Variants in SOX5 observed in about 807,000 individuals in gnomAD.
SOX5 encodes transcription factor SOX-5.
In SOX5, 9 loss-of-function variants were observed where a neutral mutation model predicts 92.0. That is an observed-to-expected ratio of 0.10 (90% CI 0.06 to 0.17). The LOEUF (loss-of-function observed/expected upper bound fraction) is 0.17, where lower values mean the gene tolerates loss of function less well. Among genes scored for constraint, SOX5 ranks in the 10% least tolerant of loss-of-function variants. SOX5 has a pLI of 1.00. For synonymous variants in SOX5, 344 were observed against 336.3 expected (o/e 1.02, Z -0.25); for missense variants, 642 against 944.5 (o/e 0.68, Z 4.20).
intron 2 of SOX5, among the ~76,000 whole-genome samples, chr12:23,878,879 ACT>A (rs1437631916): frequency 6.6e-6 from 1 of 151,902 alleles, no homozygotes; most frequent in Non-Finnish European, 1.5e-5. Context: ...CTAGGATAAG[ACT>A]CTCTATCATT....
intron 4 of SOX5, among the ~76,000 whole-genome samples, chr12:24,065,219 C>T (rs1339146810): frequency 6.6e-6 from 1 of 152,108 alleles, no homozygotes; most frequent in Non-Finnish European, 1.5e-5. Context: ...ATCCCTTGTC[C>T]TCCAGTTCTT....
chr12:23,966,271 T>A (rs1004048996), intron 4 of SOX5, among the ~76,000 whole-genome samples: 1 of 139,968 alleles, frequency 7.1e-6, no homozygotes, highest in Middle Eastern at 3.7e-3. Flanking sequence ...TGTACTGACT[T>A]TTTCTCCTAC....
chr12:24,303,514 TA>T (rs1181905189), intron 2 of SOX5, among the ~76,000 whole-genome samples: 1 of 152,248 alleles, frequency 6.6e-6, no homozygotes, highest in African/African-American at 2.4e-5. Flanking sequence ...TAGGTATTTT[TA>T]AGTTTAGATT....
intron 8 of SOX5, among the ~76,000 whole-genome samples, chr12:23,626,460 C>A (rs1257328182): frequency 6.6e-6 from 1 of 152,070 alleles, no homozygotes; most frequent in Non-Finnish European, 1.5e-5. Flanking sequence ...AACTTTCCTG[C>A]TTAATTGGAT....
chr12:23,770,231 C>T (rs1297708683), intron 3 of SOX5, among the ~76,000 whole-genome samples: 1 of 151,962 alleles, frequency 6.6e-6, no homozygotes, highest in South Asian at 2.1e-4. Flanking sequence ...CTTTCTAGCC[C>T]CCAAATTGTT....
intron 8 of SOX5, among the ~76,000 whole-genome samples, chr12:23,615,484 T>C (rs1291895925): frequency 1.3e-5 from 2 of 152,174 alleles, no homozygotes; most frequent in Admixed American, 6.6e-5. Context: ...TTTTTTTCTG[T>C]TCTTCTCCCT....
At chr12:23,829,534 T>C (rs544080392) in intron 3 of SOX5, among the ~76,000 whole-genome samples, 1 of 152,282 alleles carries the variant, frequency 6.6e-6, no homozygotes, top group South Asian at 2.1e-4. Context: ...CTCATGTTTA[T>C]TTGCAAATGT....
chr12:23,828,753 C>CA (rs149215692), intron 3 of SOX5, among the ~76,000 whole-genome samples: 30,401 of 132,996 alleles, frequency 0.23, 3,484 homozygotes, highest in East Asian at 0.56. Context: ...TTCAGGACAT[C>CA]AAAAAAAAAA....
chr12:24,088,369 A>G (rs963439821), intron 4 of SOX5, among the ~76,000 whole-genome samples: 8 of 152,072 alleles, frequency 5.3e-5, no homozygotes, highest in African/African-American at 1.9e-4. Flanking sequence ...TTTCATTTTA[A>G]TAAGAACAGT....
At chr12:23,966,945 T>G (rs182699988) in intron 4 of SOX5, among the ~76,000 whole-genome samples, 2 of 152,274 alleles carry the variant, frequency 1.3e-5, no homozygotes, top group Admixed American at 1.3e-4. Flanking sequence ...TTCATACCAG[T>G]GATTATATTT....
At position 23,795,489 on chromosome 12, in the gene SOX5, A is replaced by G. The variant is rs377453929; in HGVS notation, c.482-39765T>C. 4.7e-4 allele frequency among the ~76,000 whole-genome samples: 72 copies of G among 152,210 alleles called. No individual in the cohort carries two copies. The South Asian group carries it at 0.014, about 29-fold the overall frequency. ...ATTTCCTTTTAACAGAGTTGACAGA[A>G]GCTCCTTTAAGTCTTGCCTTGTGGC... On this transcript the variant is annotated intron_variant, in intron 3 of 14. Transcript: ENST00000451604.
intron 4 of SOX5, among the ~76,000 whole-genome samples, chr12:24,167,735 A>T (rs889947445): frequency 1.3e-5 from 2 of 152,238 alleles, no homozygotes; most frequent in African/African-American, 4.8e-5. Flanking sequence ...TAGTCCAGCT[A>T]TTGAGCTCTT....
rs367794263 is a variant in SOX5, at chr12:24,401,973, C to A, written c.-250-33334G>T. On this transcript the variant is annotated intron_variant, in intron 1 of 4. Coordinates refer to the SOX5 transcript ENST00000446891. ...TAACTACTCACATAAAGGATTTACACCTACCTCCTAATGCTCCCTAAATCA... is the reference window on the plus strand; with the variant it reads ...TAACTACTCACATAAAGGATTTACAACTACCTCCTAATGCTCCCTAAATCA... Among the ~76,000 whole-genome samples, 34 of 152,188 alleles carry A rather than the reference C, an allele frequency of 2.2e-4. 1 individual carries two copies. The South Asian group carries it at 6.8e-3, about 31-fold the overall frequency.
chr12:23,721,374 C>T (rs574966189), intron 6 of SOX5, among the ~76,000 whole-genome samples: 7 of 152,122 alleles, frequency 4.6e-5, no homozygotes, highest in Non-Finnish European at 8.8e-5. Context: ...CATGAGCCAC[C>T]GTGCCTGGCC....
intron 1 of SOX5, among the ~76,000 whole-genome samples, chr12:24,388,279 T>C (rs555258533): frequency 6.6e-6 from 1 of 152,228 alleles, no homozygotes; most frequent in East Asian, 1.9e-4. Context: ...GCTCGACCCT[T>C]TGCCCAGCTT....
chr12:23,873,148 T>C (rs541805642), intron 2 of SOX5, among the ~76,000 whole-genome samples: 2 of 152,280 alleles, frequency 1.3e-5, no homozygotes, highest in South Asian at 4.2e-4. Context: ...GGCTTAACAT[T>C]AGAGTTTTTC....
chr12:24,059,395 G>C (rs756392014), intron 4 of SOX5, among the ~76,000 whole-genome samples: 1 of 149,388 alleles, frequency 6.7e-6, no homozygotes. Context: ...CTTGGCGCTT[G>C]AGTATTTCAA....
intron 1 of SOX5, among the ~76,000 whole-genome samples, chr12:24,534,368 G>A (rs80322848): frequency 2.3e-3 from 352 of 151,694 alleles, no homozygotes; most frequent in Non-Finnish European, 4.1e-3. Context: ...TTCTTTGAAA[G>A]ACTAATGCTT....
At chr12:24,454,153 T>A (rs1477245562) in intron 1 of SOX5, among the ~76,000 whole-genome samples, 1 of 152,194 alleles carries the variant, frequency 6.6e-6, no homozygotes, top group Non-Finnish European at 1.5e-5. Flanking sequence ...GCTTAAGTAT[T>A]CCGTGAATAA....
Sources: allele counts gnomAD v4.1 joint callset (sites outside exome capture counted in the v4.1 genomes callset), GRCh38; gene constraint gnomAD v4.1.1; transcripts MANE v1.5; gene names NCBI Gene and HGNC (gene_info 2026-07-23, HGNC 2026-07-21).